CDH7: variants seen among roughly 807,000 people sequenced by gnomAD.
CDH7 encodes cadherin-7.
CDH7 carries 25 observed loss-of-function variants against 71.8 expected under a neutral mutation model. The ratio of observed to expected loss-of-function variants is 0.35; its 90% CI spans 0.25 to 0.49. The LOEUF is 0.49. Ranked by LOEUF, CDH7 falls within the 20% of genes least tolerant of loss-of-function variation. CDH7 has a pLI of 0.99. For missense variants in CDH7, 862 were observed against 974.6 expected, an observed-to-expected ratio of 0.88 and a Z score of 1.54; for synonymous variants, 381 against 363.8, an observed-to-expected ratio of 1.05 and a Z score of -0.54.
chr18:65,842,194 T>C (rs1599043575), intron 6 of CDH7, among the ~76,000 whole-genome samples: 1 of 152,044 alleles, frequency 6.6e-6, no homozygotes, highest in East Asian at 1.9e-4. Context: ...GTTGTGTTGA[T>C]TCAAGAAAAG....
At chr18:65,851,191 G>A (rs879359663) in intron 7 of CDH7, among the ~76,000 whole-genome samples, 6 of 152,056 alleles carry the variant, frequency 3.9e-5, no homozygotes, top group Non-Finnish European at 7.4e-5. Context: ...TATGTCCCCA[G>A]CCACACAGTT....
Position 65,880,865 on chromosome 18 carries a change from G to C in CDH7, c.2329G>C (p.Gly777Arg). 6.2e-7 allele frequency: 1 copy of C among 1,613,760 alleles called. No homozygotes were observed. The highest frequency in any genetic ancestry group is 8.5e-7 in the Non-Finnish European group (1 of 1,179,874). Residue 777 changes from glycine to arginine, a missense_variant, in exon 12 of 12, where the codon GGG (glycine) becomes CGG (arginine). Physicochemically the swap from Gly to Arg is moderately radical, Grantham distance 125 (BLOSUM62 -2). Coordinates refer to ENST00000397968, the MANE Select transcript of CDH7 (RefSeq NM_004361.5). Reference protein sequence around the residue: ...PRFKRLADMYGTGQESLYS With the variant: ...PRFKRLADMYRTGQESLYS ...CTTTAAACGACTCGCGGACATGTAT[G>C]GGACTGGCCAAGAGAGTTTGTACTC...
chr18:65,823,296 G>T (rs780073919), intron 5 of CDH7, among the ~76,000 whole-genome samples: 16 of 151,832 alleles, frequency 1.1e-4, no homozygotes, highest in Non-Finnish European at 1.9e-4. Context: ...ATTCTTAATT[G>T]TGATCTTGAT....
At position 65,801,620 on chromosome 18, in the gene CDH7, T is replaced by C. The variant is rs2143884828; in HGVS notation, c.211-8084T>C. Among the ~76,000 whole-genome samples the C allele has an allele frequency of 3.3e-5, 5 of 152,350 alleles. No individual in the cohort carries two copies. In the South Asian group the frequency reaches 1.0e-3, roughly 32 times the overall value. On this transcript the variant is annotated intron_variant, in intron 2 of 11. Transcript: ENST00000397968. ...TGAATGGCTAAGTCACCATCTGTCC[T>C]CTTCTTGGCTAGCTCCTTTTCAGTT... is the stretch of plus-strand genomic sequence containing the variant.
At chr18:65,758,027 A>G (rs1916081448) in intron 1 of CDH7, among the ~76,000 whole-genome samples, 1 of 152,212 alleles carries the variant, frequency 6.6e-6, no homozygotes, top group Non-Finnish European at 1.5e-5. Context: ...TATTTAATCC[A>G]TTGTGAAAAG....
chr18:65,841,713 T>A (rs1912740091), intron 6 of CDH7, among the ~76,000 whole-genome samples: 1 of 152,086 alleles, frequency 6.6e-6, no homozygotes, highest in African/African-American at 2.4e-5. Context: ...AAGAGAGGAT[T>A]TGCTTCAGAA....
intron 11 of CDH7, among the ~76,000 whole-genome samples, chr18:65,872,597 A>T (rs1913960140): frequency 6.6e-6 from 1 of 152,082 alleles, no homozygotes; most frequent in Non-Finnish European, 1.5e-5. Flanking sequence ...GCTCAGTTCA[A>T]TATTAAAAGG....
chr18:65,885,582 G>GTTA lies in CDH7; in HGVS notation c.*4688_*4689insTTA, dbSNP rs778462341. 3 of 151,650 alleles carry GTTA rather than the reference G, an allele frequency of 2.0e-5. No individual in the cohort carries two copies. The highest frequency in any genetic ancestry group is 4.4e-5 in the Non-Finnish European group (3 of 67,982). The allele number at this position is 151,650 out of a possible 1,614,324, so 9.4% of individuals were successfully genotyped here. A position where few individuals can be genotyped will look rare whatever the true frequency, so the allele number is the denominator to read the frequency against. ...TTTAGTACAGACGGGGTTTCACCGT[G>GTTA]GTCTCGATCTCCTGACCTCGTGATT... On this transcript the variant is annotated 3_prime_UTR_variant, in exon 12 of 12. Coordinates refer to ENST00000397968, the MANE Select transcript of CDH7 (RefSeq NM_004361.5).
intron 4 of CDH7, among the ~76,000 whole-genome samples, chr18:65,821,145 A>AAAG (rs1555686103): frequency 6.6e-6 from 1 of 151,044 alleles, no homozygotes; most frequent in Non-Finnish European, 1.5e-5. Context: ...AAAAAAAAAC[A>AAAG]AGAAAAGAAA....
rs182811464 is a variant in CDH7 at position 65,797,597 on chromosome 18, G to A, written c.211-12107G>A. Among the ~76,000 whole-genome samples the A allele has an allele frequency of 1.3e-3, 194 of 152,204 alleles. 1 individual carries two copies. Among genetic ancestry groups the A allele is most frequent in the Non-Finnish European group, 2.1e-4 (14 of 68,016 alleles). On this transcript the variant is annotated intron_variant, in intron 2 of 11. Transcript: ENST00000397968. ...TATAGTCTTATTATTCTTTATATCT[G>A]CTCTATTTTAGAAGAGACAATTACA... is the stretch of plus-strand genomic sequence containing the variant.
At chr18:65,758,190 A>C (rs2143776732) in intron 1 of CDH7, among the ~76,000 whole-genome samples, 1 of 152,334 alleles carries the variant, frequency 6.6e-6, no homozygotes, top group Admixed American at 6.5e-5. Flanking sequence ...TTAAGTTTGG[A>C]TTACTTCTGG....
At chr18:65,779,301 A>C (rs1910090849) in intron 2 of CDH7, among the ~76,000 whole-genome samples, 2 of 88,548 alleles carry the variant, frequency 2.3e-5, no homozygotes. Flanking sequence ...CAGCTGTGTG[A>C]ATTTTTTTTT....
intron 3 of CDH7, among the ~76,000 whole-genome samples, chr18:65,812,779 T>G (rs1231564438): frequency 6.6e-6 from 1 of 152,348 alleles, no homozygotes; most frequent in East Asian, 1.9e-4. Context: ...CAGCCAAACT[T>G]ACTGAAGTTT....
intron 7 of CDH7, among the ~76,000 whole-genome samples, chr18:65,854,358 G>A (rs1913272200): frequency 6.6e-6 from 1 of 151,886 alleles, no homozygotes. Context: ...TTTAGAAATG[G>A]TAAATATTTG....
intron 6 of CDH7, among the ~76,000 whole-genome samples, chr18:65,827,549 A>G (rs1408395219): frequency 6.6e-6 from 1 of 151,918 alleles, no homozygotes; most frequent in Non-Finnish European, 1.5e-5. Context: ...GATTTTCCAT[A>G]TCATTTTGAG....
At chr18:65,771,860 G>A (rs1357519736) in intron 2 of CDH7, among the ~76,000 whole-genome samples, 3 of 152,080 alleles carry the variant, frequency 2.0e-5, no homozygotes, top group African/African-American at 4.8e-5. Context: ...AACCAGTATG[G>A]GGAGGCCATC....
intron 7 of CDH7, among the ~76,000 whole-genome samples, chr18:65,853,339 A>T (rs1460756033): frequency 6.6e-6 from 1 of 152,152 alleles, no homozygotes; most frequent in Non-Finnish European, 1.5e-5. Context: ...AATCCACAAC[A>T]TCAAATAGTG....
chr18:65,814,635 G>C, intron 4 of CDH7, 31 bp downstream of exon 4: 1 of 1,580,950 alleles, frequency 6.3e-7, no homozygotes, highest in Non-Finnish European at 8.6e-7. Flanking sequence ...TTCTTGTAAA[G>C]TCATCATTTG....
At chr18:65,782,743 A>G (rs1910360204) in intron 2 of CDH7, among the ~76,000 whole-genome samples, 1 of 152,168 alleles carries the variant, frequency 6.6e-6, no homozygotes, top group African/African-American at 2.4e-5. Context: ...TACATTATTT[A>G]ATATATACTA....
Sources: gnomAD v4.1 joint callset for allele counts (sites outside exome capture counted in the v4.1 genomes callset) on GRCh38, gnomAD v4.1.1 for gene constraint, MANE v1.5 for transcripts, NCBI Gene and HGNC (gene_info 2026-07-23, HGNC 2026-07-21) for gene names.